Variants in MECOM observed in about 807,000 individuals in gnomAD.
The protein encoded by MECOM is MDS1 and EVI1 complex locus.
In MECOM, 13 loss-of-function variants were observed where a neutral mutation model predicts 116.3. The observed-to-expected ratio is 0.11, with a 90% CI of 0.07 to 0.18. MECOM has a LOEUF of 0.18. Among genes scored for constraint, MECOM ranks in the 10% least tolerant of loss-of-function variants. The pLI, the probability that MECOM is intolerant of heterozygous loss-of-function variation, is 1.00. For missense variants in MECOM, 1,299 were observed against 1,509.0 expected (o/e 0.86, Z 2.31); for synonymous variants, 528 against 535.2 (o/e 0.99, Z 0.19).
intron 2 of MECOM, among the ~76,000 whole-genome samples, chr3:169,281,817 A>T (rs1334774255): frequency 1.3e-5 from 2 of 152,152 alleles, no homozygotes; most frequent in African/African-American, 4.8e-5. Flanking sequence ...CTCAAAAAAA[A>T]ATTTTTTTTA....
chr3:169,416,553 CA>C (rs1359943411), intron 1 of MECOM, among the ~76,000 whole-genome samples: 4 of 148,116 alleles, frequency 2.7e-5, no homozygotes, highest in Non-Finnish European at 4.5e-5. Context: ...AATAGAGACA[CA>C]AAAAAACTCT....
At chr3:169,327,332 TA>T (rs1049727849) in intron 2 of MECOM, among the ~76,000 whole-genome samples, 1 of 152,076 alleles carries the variant, frequency 6.6e-6, no homozygotes, top group African/African-American at 2.4e-5. Flanking sequence ...TTACAGAAGT[TA>T]AAAAATAAAA....
chr3:169,363,757 G>A (rs771952048), intron 2 of MECOM, among the ~76,000 whole-genome samples: 11 of 151,798 alleles, frequency 7.2e-5, no homozygotes, highest in South Asian at 2.1e-4. Context: ...ATTCCACCCC[G>A]AGACTGAACA....
At chr3:169,120,324 G>A (rs1444772477) in intron 7 of MECOM, among the ~76,000 whole-genome samples, 2 of 152,176 alleles carry the variant, frequency 1.3e-5, no homozygotes, top group African/African-American at 2.4e-5. Flanking sequence ...AAGCAAATGA[G>A]AGCTGAGTTT....
chr3:169,307,498 G>A (rs551742023), intron 2 of MECOM, among the ~76,000 whole-genome samples: 1 of 152,116 alleles, frequency 6.6e-6, no homozygotes, highest in African/African-American at 2.4e-5. Flanking sequence ...GAGCCCAGAA[G>A]GTCAACACTG....
intron 9 of MECOM, among the ~76,000 whole-genome samples, chr3:169,110,308 T>C (rs933908457): frequency 2.0e-5 from 3 of 152,128 alleles, no homozygotes; most frequent in African/African-American, 7.2e-5. Context: ...TTTATATTTA[T>C]AATAAAATGC....
rs1758121975 is a variant in MECOM, at chr3:169,265,294, C to T, written c.375+115893G>A. 2.6e-5 allele frequency among the ~76,000 whole-genome samples: 4 copies of T among 152,216 alleles called. No individual in the cohort carries two copies. In the South Asian group the frequency reaches 8.3e-4, roughly 32 times the overall value. On this transcript the variant is annotated intron_variant, in intron 2 of 16. Transcript: ENST00000651503. ...GCACTGATAAGATGTGGCAGGCAGG[C>T]ATGATGGAATGCAGACAGAGGACCG...
rs889405898 is a variant in MECOM at position 169,147,135 on chromosome 3, C to T, written c.376-3303G>A. 1.5e-5 allele frequency: 15 copies of T among 986,044 alleles called. No homozygotes were observed. In the East Asian group the frequency reaches 1.5e-3, roughly 97 times the overall value. 61.1% of individuals were successfully genotyped at this position (986,044 alleles called of 1,614,324 possible). A position where few individuals can be genotyped will look rare whatever the true frequency, so the allele number is the denominator to read the frequency against. On this transcript the variant is annotated intron_variant, in intron 2 of 16. Coordinates refer to ENST00000651503, the MANE Select transcript of MECOM (RefSeq NM_004991.4). The stretch of plus-strand genomic sequence containing the variant: ...CTCCCTCTTTTCTCACTTTCTCTTG[C>T]TCTTATCAGCCCGATGTGTAATGAA...
chr3:169,108,397 T>C (rs1726163526), intron 9 of MECOM, among the ~76,000 whole-genome samples: 1 of 152,090 alleles, frequency 6.6e-6, no homozygotes, highest in Non-Finnish European at 1.5e-5. Context: ...AAAAGGATAA[T>C]GAAAGGATAA....
intron 2 of MECOM, among the ~76,000 whole-genome samples, chr3:169,288,778 T>C (rs533659096): frequency 1.3e-5 from 2 of 152,278 alleles, no homozygotes; most frequent in East Asian, 3.9e-4. Flanking sequence ...TCCGTCAGTA[T>C]TTGAAGCAGA....
At chr3:169,386,550 C>T (rs1300528850) in intron 1 of MECOM, among the ~76,000 whole-genome samples, 1 of 152,124 alleles carries the variant, frequency 6.6e-6, no homozygotes, top group Admixed American at 6.5e-5. Context: ...TAAACCCTTC[C>T]TTATGTGTAT....
intron 2 of MECOM, among the ~76,000 whole-genome samples, chr3:169,229,563 T>C (rs1441172463): frequency 6.6e-6 from 1 of 152,118 alleles, no homozygotes; most frequent in Admixed American, 6.6e-5. Context: ...AGAGGCCCAT[T>C]GAGCTGAATG....
intron 1 of MECOM, among the ~76,000 whole-genome samples, chr3:169,639,708 A>G (rs1272370267): frequency 6.6e-6 from 1 of 152,236 alleles, no homozygotes; most frequent in East Asian, 1.9e-4. Flanking sequence ...ATTAAAACCA[A>G]TTGCAATTTA....
intron 1 of MECOM, chr3:169,623,948 C>T (rs60345519): frequency 6.6e-6 from 1 of 152,288 alleles, no homozygotes; most frequent in East Asian, 1.9e-4. Flanking sequence ...CTGCTCATTC[C>T]AACAATGCCT....
intron 2 of MECOM, among the ~76,000 whole-genome samples, chr3:169,213,828 G>A (rs932745936): frequency 2.0e-5 from 3 of 152,050 alleles, no homozygotes; most frequent in South Asian, 4.1e-4. Context: ...AGAAGTTTCC[G>A]TTTATTTTAC....
intron 1 of MECOM, among the ~76,000 whole-genome samples, chr3:169,565,198 C>T (rs1022154199): frequency 1.3e-5 from 2 of 152,116 alleles, no homozygotes; most frequent in Admixed American, 6.6e-5. Context: ...CTTCCAATTC[C>T]GAACCCTGTG....
At chr3:169,469,819 A>G (rs2108778913) in intron 1 of MECOM, among the ~76,000 whole-genome samples, 1 of 152,342 alleles carries the variant, frequency 6.6e-6, no homozygotes, top group South Asian at 2.1e-4. Flanking sequence ...CTGAGAAAAG[A>G]TTAATAACTC....
At chr3:169,153,186 C>T (rs1741432532) in intron 2 of MECOM, among the ~76,000 whole-genome samples, 1 of 151,884 alleles carries the variant, frequency 6.6e-6, no homozygotes, top group Non-Finnish European at 1.5e-5. Flanking sequence ...ACTTTGGTAG[C>T]AAAATAGAGA....
intron 1 of MECOM, among the ~76,000 whole-genome samples, chr3:169,412,423 A>C (rs918972858): frequency 6.6e-6 from 1 of 152,174 alleles, no homozygotes; most frequent in Admixed American, 6.5e-5. Context: ...ATAAAAAGAA[A>C]GATGATGTTC....
Sources: gnomAD v4.1 joint callset for allele counts (sites outside exome capture counted in the v4.1 genomes callset) on GRCh38, gnomAD v4.1.1 for gene constraint, MANE v1.5 for transcripts, NCBI Gene and HGNC (gene_info 2026-07-23, HGNC 2026-07-21) for gene names.